The following DLEC1 variants were observed in gnomAD, a reference collection of about 807,000 sequenced individuals.
The protein encoded by DLEC1 is DLEC1 cilia and flagella associated protein, also known as deleted in lung and esophageal cancer protein 1.
A neutral mutation model predicts 198.1 loss-of-function variants in DLEC1; 146 were observed. The ratio of observed to expected loss-of-function variants is 0.74; its 90% confidence interval spans 0.64 to 0.85. The LOEUF (loss-of-function observed/expected upper bound fraction) is 0.85, where lower values mean the gene tolerates loss of function less well. DLEC1 is among the 40% of genes least tolerant of loss of function. The pLI is 0.00. For synonymous variants in DLEC1, 897 were observed against 866.8 expected, an observed-to-expected ratio of 1.03 and a Z score of -0.61; for missense variants, 2,233 against 2,220.0, an observed-to-expected ratio of 1.01 and a Z score of -0.12.
rs527820529 is a variant in DLEC1 at position 38,075,617 on chromosome 3, G to A, written c.1174-8541G>A. 7.0e-4 allele frequency among the ~76,000 whole-genome samples: 106 copies of A among 152,018 alleles called. 3 individuals are homozygous for A. Among genetic ancestry groups the A allele is most frequent in the East Asian group, 3.9e-3 (20 of 5,154 alleles). On this transcript the variant is annotated intron_variant, in intron 6 of 36. Coordinates refer to ENST00000308059, the MANE Select transcript of DLEC1 (RefSeq NM_007335.4). ...AGAAAAGTGGGAAAGGGGTCGGGGC[G>A]TGGAAATAAGGGGTTGGGGCACAGA...
rs566124385 is a variant in DLEC1 at position 38,052,406 on chromosome 3, T to C, written c.562+6713T>C. 40 of 215,516 alleles carry C rather than the reference T, an allele frequency of 1.9e-4. No homozygotes were observed. The South Asian group carries it at 2.9e-3, about 15-fold the overall frequency. The allele number at this position is 215,516 out of a possible 1,614,324, so 13.4% of individuals were successfully genotyped here. A position where few individuals can be genotyped will look rare whatever the true frequency, so the allele number is the denominator to read the frequency against. ...TGCTGGAATGGTTCGGATAGGTGCA[T>C]AGTTGAACCACAAATAAGCAAGGGA... On this transcript the variant is annotated intron_variant, in intron 2 of 36. Transcript: ENST00000308059.
Position 38,109,969 on chromosome 3 carries a change from A to C in DLEC1, c.3261-130A>C, listed in dbSNP as rs1176765060. On this transcript the variant is annotated intron_variant, in intron 22 of 36. Transcript: ENST00000308059. Reference sequence around the variant, plus strand: ...AGGTGGGTCTGTGGTTGGCAGCTCAATGAAACAGGAGTCTGAGGATGAAGC... The same window carrying C: ...AGGTGGGTCTGTGGTTGGCAGCTCACTGAAACAGGAGTCTGAGGATGAAGC... The C allele has an allele frequency of 5.6e-6, 6 of 1,075,742 alleles. No individual in the cohort carries two copies. The Admixed American group carries it at 1.5e-4, about 27-fold the overall frequency. The allele number at this position is 1,075,742 out of a possible 1,614,324, so 66.6% of individuals were successfully genotyped here. A position where few individuals can be genotyped will look rare whatever the true frequency, so the allele number is the denominator to read the frequency against.
At position 38,084,107 on chromosome 3, in the gene DLEC1, T is replaced by G. The variant is rs770393404; in HGVS notation, c.1174-51T>G. On this transcript the variant is annotated intron_variant, in intron 6 of 36. Transcript: ENST00000308059. ...AGAGTAAATCCTGGACATCGTATCATTTCGTCTATAAGTGTTGCTGTCTAA... is the reference window on the plus strand; with the variant it reads ...AGAGTAAATCCTGGACATCGTATCAGTTCGTCTATAAGTGTTGCTGTCTAA... The G allele has an allele frequency of 4.5e-6, 7 of 1,539,538 alleles. No individual in the cohort carries two copies. The South Asian group carries it at 6.7e-5, about 15-fold the overall frequency.
intron 27 of DLEC1, 51 bp from the exon 28 acceptor site, chr3:38,116,402 G>C (rs767814482): frequency 1.2e-6 from 2 of 1,600,294 alleles, no homozygotes; most frequent in Non-Finnish European, 1.7e-6. Context: ...GGCCCCGGGG[G>C]GTTGTCTGCT....
In DLEC1 at chr3:38,116,632, G is replaced by C; in HGVS notation, c.4036G>C (p.Glu1346Gln). 1 of 1,614,130 alleles carries C rather than the reference G, an allele frequency of 6.2e-7. No homozygotes were observed. The highest frequency in any genetic ancestry group is 8.5e-7 in the Non-Finnish European group (1 of 1,179,986). ...LWSPGPSSSSEFSHETDSSVE... is the reference protein window; with the variant it reads ...LWSPGPSSSSQFSHETDSSVE... ...GTCCCCAGGCCCCTCCAGTTCATCG[G>C]AATTCAGCCATGAAACTGACTCATC... The change falls in exon 28 of 37, where the codon GAA becomes CAA. Residue 1346 changes from glutamate to glutamine, a missense_variant. Physicochemically the swap from Glu to Gln is conservative, Grantham distance 29 (BLOSUM62 2). Coordinates refer to ENST00000308059, the MANE Select transcript of DLEC1 (RefSeq NM_007335.4).
chr3:38,086,544 G>A (rs981511562), intron 9 of DLEC1, among the ~76,000 whole-genome samples, 167 bp downstream of exon 9: 1 of 152,178 alleles, frequency 6.6e-6, no homozygotes, highest in Non-Finnish European at 1.5e-5. Context: ...ATGTATAAGG[G>A]TCCAGTGTTG....
In DLEC1 at chr3:38,116,664, C is replaced by T. The variant is rs1251950467; in HGVS notation, c.4062+6C>T. The T allele has an allele frequency of 6.2e-6, 10 of 1,613,912 alleles. No homozygotes were observed. The highest frequency in any genetic ancestry group is 8.5e-6 in the Non-Finnish European group (10 of 1,179,838). On this transcript the variant is annotated splice_donor_region_variant and intron_variant, in intron 28 of 36. Coordinates refer to ENST00000308059, the MANE Select transcript of DLEC1 (RefSeq NM_007335.4). Reference sequence around the variant, plus strand: ...GCCATGAAACTGACTCATCAGTGAGCAGGGGTGGAGGGGCGGGGCAGGCTG... The same window carrying T: ...GCCATGAAACTGACTCATCAGTGAGTAGGGGTGGAGGGGCGGGGCAGGCTG...
intron 2 of DLEC1, 108 bp downstream of exon 2, chr3:38,045,801 C>A: frequency 8.6e-7 from 1 of 1,158,882 alleles, no homozygotes. Context: ...ATTTGGAGAG[C>A]AAGTCGCAGA....
intron 2 of DLEC1, among the ~76,000 whole-genome samples, chr3:38,053,559 G>GCCCCGTCCGGGAGGTGGGGGGCAGC (rs1701248988): frequency 1.0e-5 from 1 of 99,292 alleles, no homozygotes; most frequent in Non-Finnish European, 2.0e-5. Flanking sequence ...CCCGGCAGCT[G>GCCCCGTCCGGGAGGTGGGGGGCAGC]CCCCGTCCGG....
rs1447794595 is a variant in DLEC1 at position 38,065,855 on chromosome 3, GATA to G, written c.1173+1942_1173+1944del. On this transcript the variant is annotated intron_variant, in intron 6 of 36. Transcript: ENST00000308059. ...AGTATCTCTTAATTCTCCTTTAGTT[GATA>G]ATAATTCCTCTCCCACCTCCTGCTT... 7.2e-5 allele frequency among the ~76,000 whole-genome samples: 11 copies of G among 152,276 alleles called. No homozygotes were observed. The East Asian group carries it at 1.9e-3, about 27-fold the overall frequency.
At chr3:38,085,129 C>A in intron 7 of DLEC1, 145 bp from the exon 8 acceptor site, 1 of 841,894 alleles carries the variant, frequency 1.2e-6, no homozygotes, top group Non-Finnish European at 1.9e-6. Context: ...CCCTCGCATG[C>A]CCTTTTCCTG....
chr3:38,062,466 C>T (rs940089771), intron 4 of DLEC1, 98 bp downstream of exon 4: 20 of 1,577,750 alleles, frequency 1.3e-5, no homozygotes, highest in South Asian at 1.0e-4. Context: ...ATGAATCCAT[C>T]GCAAAATAGA....
Position 38,117,069 on chromosome 3 carries a change from A to G in DLEC1, c.4274A>G (p.Tyr1425Cys). ...EILHKVECTG[Y>C]ALGFMSLDSK... Reference sequence around the variant, plus strand: ...CTGCACAAGGTGGAGTGTACTGGCTACGCCCTGGGTTTCATGAGCTTGGAC... The same window carrying G: ...CTGCACAAGGTGGAGTGTACTGGCTGCGCCCTGGGTTTCATGAGCTTGGAC... The change falls in exon 30 of 37, where the codon TAC becomes TGC. Residue 1425 changes from tyrosine (Y) to cysteine (C), a missense_variant. Transcript: ENST00000308059. The G allele has an allele frequency of 6.2e-7, 1 of 1,614,080 alleles. No homozygotes were observed. Among genetic ancestry groups the G allele is most frequent in the East Asian group, 2.2e-5 (1 of 44,880 alleles).
intron 27 of DLEC1, among the ~76,000 whole-genome samples, chr3:38,115,768 G>A (rs970103115): frequency 5.9e-5 from 9 of 152,156 alleles, no homozygotes; most frequent in Non-Finnish European, 7.4e-5. Context: ...TGGGGCTACC[G>A]GCTGGGTGTG....
Position 38,107,605 on chromosome 3 carries a change from G to T in DLEC1, c.2886G>T (p.Glu962Asp). Residue 962 changes from glutamate to aspartate, a missense_variant, in exon 20 of 37, where the codon GAG becomes GAT. Coordinates refer to ENST00000308059, the MANE Select transcript of DLEC1 (RefSeq NM_007335.4). Reference sequence around the variant, plus strand: ...CCAGCTACCTTCCTGTGTATGCTGAGGTACAGAAGCCCCATGTGTACCTAC... The same window carrying T: ...CCAGCTACCTTCCTGTGTATGCTGATGTACAGAAGCCCCATGTGTACCTAC... ...GAWSYLPVYA[E>D]VQKPHVYLQS... 1 of 1,612,272 alleles carries T rather than the reference G, an allele frequency of 6.2e-7. No individual in the cohort carries two copies.
intron 6 of DLEC1, among the ~76,000 whole-genome samples, chr3:38,080,664 TGAA>T (rs1295561881): frequency 1.3e-5 from 2 of 152,018 alleles, no homozygotes; most frequent in Non-Finnish European, 2.9e-5. Context: ...AGGTGTGAGT[TGAA>T]GAGCTTTTAA....
Position 38,059,744 on chromosome 3 carries a change from A to T in DLEC1, c.565A>T (p.Lys189Ter). ...LESLVRLPPV[K>*]SVSRWCIDSE... ...TTCTCCCCTTCCCTTCTATGAAGTGAAGAGTGTCTCCAGATGGTGTATAGA... is the reference window on the plus strand; with the variant it reads ...TTCTCCCCTTCCCTTCTATGAAGTGTAGAGTGTCTCCAGATGGTGTATAGA... The change falls in exon 3 of 37, where the codon AAG becomes TAG. Residue 189 changes from lysine (K) to a stop codon, truncating the protein, a stop_gained and splice_region_variant. Transcript: ENST00000308059. LOFTEE classifies it high-confidence loss of function. 6.2e-7 allele frequency: 1 copy of T among 1,613,550 alleles called. No homozygotes were observed. Among genetic ancestry groups the T allele is most frequent in the Non-Finnish European group, 8.5e-7 (1 of 1,179,738 alleles).
chr3:38,080,605 G>T (rs1370012858), intron 6 of DLEC1, among the ~76,000 whole-genome samples: 2 of 152,126 alleles, frequency 1.3e-5, no homozygotes, highest in South Asian at 4.2e-4. Flanking sequence ...AGTTTGTATT[G>T]GGGCCAAGCG....
chr3:38,084,461 A>AGT, intron 7 of DLEC1, among the ~76,000 whole-genome samples: 1 of 412 alleles, frequency 2.4e-3, no homozygotes, highest in Non-Finnish European at 4.7e-3. Context: ...TGGTAGTAGT[A>AGT]ATAGTAGTGG....
Sources: gnomAD v4.1 joint callset for allele counts (sites outside exome capture counted in the v4.1 genomes callset) on GRCh38, gnomAD v4.1.1 for gene constraint, MANE v1.5 for transcripts, NCBI Gene and HGNC (gene_info 2026-07-23, HGNC 2026-07-21) for gene names.